The following ABLIM1 variants were observed in gnomAD, a reference collection of about 807,000 sequenced individuals.
ABLIM1 encodes actin-binding LIM protein 1.
A neutral mutation model predicts 107.0 loss-of-function variants in ABLIM1; 40 were observed. The ratio of observed to expected loss-of-function variants is 0.37; its 90% CI spans 0.29 to 0.49. ABLIM1 has a LOEUF of 0.49. Among genes scored for constraint, ABLIM1 ranks in the 20% least tolerant of loss-of-function variants. The pLI, the probability that ABLIM1 is intolerant of heterozygous loss-of-function variation, is 0.97. For missense variants in ABLIM1, 857 were observed against 1,008.5 expected (o/e 0.85, Z 2.04); for synonymous variants, 357 against 357.3 (o/e 1.00, Z 0.01).
At chr10:114,548,198 T>C (rs986599167) in intron 4 of ABLIM1, among the ~76,000 whole-genome samples, 8 of 152,230 alleles carry the variant, frequency 5.3e-5, no homozygotes, top group Non-Finnish European at 8.8e-5. Context: ...TAACACTATA[T>C]ACGTGATTAC....
intron 1 of ABLIM1, among the ~76,000 whole-genome samples, chr10:114,640,694 T>C (rs1400555247): frequency 6.6e-6 from 1 of 152,200 alleles, no homozygotes; most frequent in Non-Finnish European, 1.5e-5. Flanking sequence ...GAGTTAAAAG[T>C]TGTTGTATTT....
In ABLIM1 at chr10:114,704,340, C is replaced by A. The variant is rs1311319676; in HGVS notation, c.-213+63721G>T. On this transcript the variant is annotated intron_variant, in intron 1 of 15. Coordinates refer to the ABLIM1 transcript ENST00000651092. ...TATATATATATATATATATATTGCG[C>A]GCGTTACATCTGTGAGGTATCTTGG... Among the ~76,000 whole-genome samples the A allele has an allele frequency of 1.5e-4, 14 of 94,710 alleles. 1 individual carries two copies. Among genetic ancestry groups the A allele is most frequent in the Non-Finnish European group, 1.2e-4 (5 of 42,148 alleles). 62.1% of individuals were successfully genotyped at this position (94,710 alleles called of 152,430 possible). A position where few individuals can be genotyped will look rare whatever the true frequency, so the allele number is the denominator to read the frequency against.
chr10:114,664,798 C>T (rs1319229606), intron 1 of ABLIM1, among the ~76,000 whole-genome samples: 4 of 150,940 alleles, frequency 2.7e-5, no homozygotes, highest in Non-Finnish European at 5.9e-5. Context: ...CTCGCCTCAG[C>T]CTCCCAAAGT....
At position 114,441,028 on chromosome 10, in the gene ABLIM1, C is replaced by A; in HGVS notation, c.2048G>T (p.Gly683Val). The A allele has an allele frequency of 6.3e-7, 1 of 1,589,676 alleles. No homozygotes were observed. Among genetic ancestry groups the A allele is most frequent in the East Asian group, 2.3e-5 (1 of 44,186 alleles). The change falls in exon 19 of 23, where the codon GGG becomes GTG. Residue 683 changes from glycine (G) to valine (V), a missense_variant. Coordinates refer to ENST00000533213, the MANE Select transcript of ABLIM1 (RefSeq NM_002313.7). ...AQYNSYGDVS[G>V]GVRDYQTLPD... ...CATGGGAGCCTCACCTCGCACTCCC[C>A]CGCTGACATCCCCATAGCTGTTATA... is the stretch of plus-strand genomic sequence containing the variant.
chr10:114,491,012 G>GTGTGTGTGTATGTATATATA lies in ABLIM1; in HGVS notation c.982+778_982+779insTATATATACATACACACACA. ...TGTGTGTGTGTGTGTGTGTGTGTGT[G>GTGTGTGTGTATGTATATATA]TATATATATATATGGTCTATTTTAT... On this transcript the variant is annotated intron_variant, in intron 7 of 22. Transcript: ENST00000533213. Among the ~76,000 whole-genome samples the GTGTGTGTGTATGTATATATA allele has an allele frequency of 1.5e-4, 14 of 92,390 alleles. 1 individual carries two copies. The highest frequency in any genetic ancestry group is 6.0e-4 in the African/African-American group (13 of 21,704). The allele number at this position is 92,390 out of a possible 152,430, so 60.6% of individuals were successfully genotyped here. A position where few individuals can be genotyped will look rare whatever the true frequency, so the allele number is the denominator to read the frequency against.
intron 1 of ABLIM1, among the ~76,000 whole-genome samples, chr10:114,755,097 C>T (rs1591947066): frequency 1.3e-5 from 2 of 152,156 alleles, no homozygotes; most frequent in Non-Finnish European, 2.9e-5. Flanking sequence ...GCCTGAGGAA[C>T]GGAGCCGCAC....
chr10:114,707,280 T>C lies in ABLIM1; in HGVS notation c.-213+60781A>G, dbSNP rs2081443199. On this transcript the variant is annotated intron_variant, in intron 1 of 15. Transcript: ENST00000651092. The surrounding 1 kb of genome is among the most constrained non-coding windows in gnomAD (Gnocchi z 4.1). ...TGGAGTCTCGCACTGTCACCCAAGATGGAGTGCAGTGGTGCAGTCTCAGCT... is the reference window on the plus strand; with the variant it reads ...TGGAGTCTCGCACTGTCACCCAAGACGGAGTGCAGTGGTGCAGTCTCAGCT... Among the ~76,000 whole-genome samples, 1 of 152,168 alleles carries C rather than the reference T, an allele frequency of 6.6e-6. No individual in the cohort carries two copies. Among genetic ancestry groups the C allele is most frequent in the Non-Finnish European group, 1.5e-5 (1 of 68,026 alleles).
intron 10 of ABLIM1, among the ~76,000 whole-genome samples, chr10:114,468,896 CA>C (rs1405261719): frequency 4.6e-5 from 7 of 151,604 alleles, no homozygotes; most frequent in Non-Finnish European, 7.4e-5. Flanking sequence ...CTAAAAACTA[CA>C]AAAAATTAGC....
chr10:114,725,198 A>T (rs1404638993), intron 1 of ABLIM1, among the ~76,000 whole-genome samples: 1 of 152,176 alleles, frequency 6.6e-6, no homozygotes, highest in Non-Finnish European at 1.5e-5. Flanking sequence ...TTGTGAACTA[A>T]CAAATTCCAC....
chr10:114,731,315 T>A (rs1180797499), intron 1 of ABLIM1, among the ~76,000 whole-genome samples: 1 of 151,658 alleles, frequency 6.6e-6, no homozygotes, highest in Non-Finnish European at 1.5e-5. Context: ...TAATTTTTTT[T>A]ATTTTTAGTA....
At chr10:114,620,994 A>T (rs2077432494) in intron 1 of ABLIM1, among the ~76,000 whole-genome samples, 2 of 152,050 alleles carry the variant, frequency 1.3e-5, no homozygotes, top group East Asian at 3.9e-4. Context: ...GCTCAATGTG[A>T]CCCACAAAAC....
At chr10:114,518,301 G>C (rs2063213410) in intron 6 of ABLIM1, among the ~76,000 whole-genome samples, 1 of 152,058 alleles carries the variant, frequency 6.6e-6, no homozygotes, top group Non-Finnish European at 1.5e-5. Context: ...AGCTACCTCT[G>C]GGAGTGGGTT....
In ABLIM1 at chr10:114,577,098, A is replaced by T. The variant is rs184187082; in HGVS notation, c.380-1499T>A. ...CAGTCTGGGGGTAGCGGGTCACAGA[A>T]CCTTAGAGTGTTTTCTTCAATATCT... On this transcript the variant is annotated intron_variant, in intron 2 of 22. Coordinates refer to ENST00000533213, the MANE Select transcript of ABLIM1 (RefSeq NM_002313.7). 4.5e-4 allele frequency among the ~76,000 whole-genome samples: 69 copies of T among 152,216 alleles called. 2 individuals carry two copies. The East Asian group carries it at 0.013, about 29-fold the overall frequency.
At chr10:114,784,275 G>C in the ABLIM1 span, among the ~76,000 whole-genome samples, 4 of 151,688 alleles carry the variant, frequency 2.6e-5, no homozygotes, top group East Asian at 5.8e-4. Flanking sequence ...GAACCTGGGA[G>C]GCGGAAGTTG....
chr10:114,716,871 C>G (rs1326013477), intron 1 of ABLIM1, among the ~76,000 whole-genome samples: 2 of 148,686 alleles, frequency 1.3e-5, no homozygotes, highest in African/African-American at 5.0e-5. Context: ...AGCAGAAGAG[C>G]AGGAAAACAC....
chr10:114,580,220 T>TA lies in ABLIM1; in HGVS notation c.380-4622_380-4621insT, dbSNP rs1478902585. Among the ~76,000 whole-genome samples the TA allele has an allele frequency of 3.4e-5, 5 of 148,544 alleles. No homozygotes were observed. The East Asian group carries it at 9.8e-4, about 29-fold the overall frequency. ...ATATTATATATTATATATATATATA[T>TA]TTTTTAGACAAGGTCTTGCTCTGTT... is the stretch of plus-strand genomic sequence containing the variant. On this transcript the variant is annotated intron_variant, in intron 2 of 22. Coordinates refer to ENST00000533213, the MANE Select transcript of ABLIM1 (RefSeq NM_002313.7).
intron 4 of ABLIM1, among the ~76,000 whole-genome samples, chr10:114,560,752 TGATACTAAATAAA>T (rs1183218879): frequency 1.3e-5 from 2 of 152,182 alleles, no homozygotes; most frequent in Admixed American, 6.5e-5. Context: ...TTAAAAATCA[TGATACTAAATAAA>T]GAAGCCAGAC....
Position 114,512,903 on chromosome 10 carries a change from GGAAGGAAA to G in ABLIM1, c.895-21033_895-21026del, listed in dbSNP as rs1187306526. On this transcript the variant is annotated intron_variant, in intron 6 of 22. Coordinates refer to ENST00000533213, the MANE Select transcript of ABLIM1 (RefSeq NM_002313.7). ...AGGAAGGAAGGAAGGAAGGAAGGAAGGAAGGAAAGAAAGAGAGAAAGAAAGAGAGAAAG... is the reference window on the plus strand; with the variant it reads ...AGGAAGGAAGGAAGGAAGGAAGGAAGGAAAGAGAGAAAGAAAGAGAGAAAG... Among the ~76,000 whole-genome samples, 849 of 140,474 alleles carry G rather than the reference GGAAGGAAA, an allele frequency of 6.0e-3. 10 individuals carry two copies. The highest frequency in any genetic ancestry group is 0.021 in the African/African-American group (737 of 35,914). 92.2% of individuals were successfully genotyped at this position (140,474 alleles called of 152,430 possible).
chr10:114,789,698 T>C, the ABLIM1 span, among the ~76,000 whole-genome samples: 2 of 152,210 alleles, frequency 1.3e-5, no homozygotes, highest in South Asian at 4.1e-4. Context: ...TTTTTTCATA[T>C]GCTTGTTGGC....
Sources: allele counts gnomAD v4.1 joint callset (sites outside exome capture counted in the v4.1 genomes callset), GRCh38; gene constraint gnomAD v4.1.1; non-coding constraint Gnocchi (gnomAD v3.1); transcripts MANE v1.5; gene names NCBI Gene and HGNC (gene_info 2026-07-23, HGNC 2026-07-21).